The following RBFOX1 variants were observed in gnomAD, a reference collection of about 807,000 sequenced individuals.
RBFOX1 encodes RNA binding fox-1 homolog 1.
RBFOX1 carries 8 observed loss-of-function variants against 57.7 expected under a neutral mutation model. The ratio of observed to expected loss-of-function variants is 0.14; its 90% confidence interval spans 0.08 to 0.25. RBFOX1 has a LOEUF of 0.25. Among genes scored for constraint, RBFOX1 ranks in the 10% least tolerant of loss-of-function variants. The probability of loss-of-function intolerance (pLI) is 1.00; values close to 1 mark genes in which losing one functional copy is unlikely to be tolerated. For synonymous variants in RBFOX1, 326 were observed against 222.4 expected (o/e 1.47, Z -4.15); for missense variants, 611 against 548.5 (o/e 1.11, Z -1.14).
intron 2 of RBFOX1, among the ~76,000 whole-genome samples, chr16:6,461,213 C>T (rs891478852): frequency 1.3e-5 from 2 of 152,090 alleles, no homozygotes; most frequent in Non-Finnish European, 2.9e-5. Flanking sequence ...ACGCATTTAC[C>T]TATGTAGTGC....
At chr16:6,905,902 C>T (rs1275734897) in intron 3 of RBFOX1, among the ~76,000 whole-genome samples, 1 of 152,214 alleles carries the variant, frequency 6.6e-6, no homozygotes, top group Non-Finnish European at 1.5e-5. Context: ...TGTCCACAGG[C>T]TTTCTCTGTA....
chr16:7,100,102 A>G (rs117939912), intron 4 of RBFOX1, among the ~76,000 whole-genome samples: 117 of 152,004 alleles, frequency 7.7e-4, no homozygotes, highest in Non-Finnish European at 1.4e-3. Flanking sequence ...TGATTTACAT[A>G]CTAAATAAAG....
Position 5,259,930 on chromosome 16 carries a change from G to A in RBFOX1, c.219+19825G>A, listed in dbSNP as rs531615424. 4.6e-5 allele frequency among the ~76,000 whole-genome samples: 7 copies of A among 152,262 alleles called. No individual in the cohort carries two copies. In the East Asian group the frequency reaches 1.2e-3, roughly 25 times the overall value. On this transcript the variant is annotated intron_variant, in intron 1 of 2. Transcript: ENST00000585867. ...AAGTGTAAGTGAGGAGGCTGGGCACGGTGGCTCACACCTGTAATCTTAGCA... is the reference window on the plus strand; with the variant it reads ...AAGTGTAAGTGAGGAGGCTGGGCACAGTGGCTCACACCTGTAATCTTAGCA...
chr16:6,754,029 A>AGTTT lies in RBFOX1; in HGVS notation c.-16+99380_-16+99383dup, dbSNP rs780938877. Among the ~76,000 whole-genome samples the AGTTT allele has an allele frequency of 9.5e-4, 145 of 152,302 alleles. 1 individual carries two copies. Among genetic ancestry groups the AGTTT allele is most frequent in the Admixed American group, 4.6e-4 (7 of 15,292 alleles). On this transcript the variant is annotated intron_variant, in intron 3 of 15. Coordinates refer to ENST00000550418, the MANE Select transcript of RBFOX1 (RefSeq NM_018723.4). ...TTCTGGTACCCAACTCTTGCTGAGT[A>AGTTT]GTTTATCCAATATACATACCCACTC...
At chr16:7,619,259 T>A (rs1014935575) in intron 10 of RBFOX1, among the ~76,000 whole-genome samples, 2 of 152,208 alleles carry the variant, frequency 1.3e-5, no homozygotes, top group African/African-American at 4.8e-5. Flanking sequence ...GTTTGGTTGA[T>A]GTGCATGTGA....
At chr16:6,253,511 TGACTCTGA>T (rs1448710234) in intron 1 of RBFOX1, among the ~76,000 whole-genome samples, 1 of 152,138 alleles carries the variant, frequency 6.6e-6, no homozygotes, top group Non-Finnish European at 1.5e-5. Context: ...CCAAATTTGG[TGACTCTGA>T]GTCCTACATT....
chr16:5,672,120 G>T (rs1369919228), intron 3 of RBFOX1, among the ~76,000 whole-genome samples: 2 of 152,166 alleles, frequency 1.3e-5, no homozygotes, highest in African/African-American at 4.8e-5. Context: ...ATGTTTTAGA[G>T]TCATTCTCTC....
intron 4 of RBFOX1, among the ~76,000 whole-genome samples, chr16:7,271,711 A>T (rs1210417115): frequency 6.6e-6 from 1 of 152,100 alleles, no homozygotes; most frequent in Non-Finnish European, 1.5e-5. Flanking sequence ...GAAATATTTC[A>T]TGGGGGTCAG....
intron 1 of RBFOX1, among the ~76,000 whole-genome samples, chr16:6,137,654 C>G (rs1323924447): frequency 7.4e-6 from 1 of 135,624 alleles, no homozygotes; most frequent in Non-Finnish European, 1.5e-5. Context: ...GACTCTGTTG[C>G]CCAGACTAGA....
At chr16:6,711,811 T>A (rs2154152301) in intron 3 of RBFOX1, among the ~76,000 whole-genome samples, 1 of 152,324 alleles carries the variant, frequency 6.6e-6, no homozygotes, top group South Asian at 2.1e-4. Context: ...CATTGTCTAT[T>A]TCCTCTACCT....
chr16:6,283,892 C>T (rs570755864), intron 1 of RBFOX1, among the ~76,000 whole-genome samples: 15 of 152,262 alleles, frequency 9.9e-5, no homozygotes, highest in Middle Eastern at 3.4e-3. Flanking sequence ...CACGCTAAAC[C>T]GACTTTGTTT....
chr16:7,689,999 A>G (rs768490049), intron 14 of RBFOX1, among the ~76,000 whole-genome samples: 4 of 152,248 alleles, frequency 2.6e-5, no homozygotes, highest in Admixed American at 1.3e-4. Flanking sequence ...AGAAGCTGCA[A>G]AAGTAGAAAC....
At chr16:6,440,194 C>G (rs761407356) in intron 2 of RBFOX1, among the ~76,000 whole-genome samples, 21 of 151,858 alleles carry the variant, frequency 1.4e-4, no homozygotes, top group Admixed American at 2.6e-4. Flanking sequence ...CTCAGCCTCC[C>G]AAAGTGCTGG....
rs78011923 is a variant in RBFOX1, at chr16:6,605,202, G to A, written c.-63-49401G>A. Reference sequence around the variant, plus strand: ...TACAGTGAGATGTGATCAAACCACTGTACTGGGTGACAGAGCAAGACCCTC... The same window carrying A: ...TACAGTGAGATGTGATCAAACCACTATACTGGGTGACAGAGCAAGACCCTC... On this transcript the variant is annotated intron_variant, in intron 2 of 15. Coordinates refer to ENST00000550418, the MANE Select transcript of RBFOX1 (RefSeq NM_018723.4). 3.4e-4 allele frequency among the ~76,000 whole-genome samples: 52 copies of A among 152,176 alleles called. 1 individual carries two copies. In the East Asian group the frequency reaches 0.01, roughly 29 times the overall value.
At chr16:7,537,716 C>A (rs2081871691) in intron 5 of RBFOX1, among the ~76,000 whole-genome samples, 1 of 152,050 alleles carries the variant, frequency 6.6e-6, no homozygotes, top group African/African-American at 2.4e-5. Context: ...ATGCTTGGGT[C>A]CATCTCAGGA....
chr16:7,292,235 ATTATATATCATATATATGATATATGATAT>A lies in RBFOX1; in HGVS notation c.28-225911_28-225883del, dbSNP rs1568063986. ...ATATATGATATATGATATAGAACGTATTATATATCATATATATGATATATGATATAGAACGTATTATATATCATATATCA... is the reference window on the plus strand; with the variant it reads ...ATATATGATATATGATATAGAACGTAAGAACGTATTATATATCATATATCA... On this transcript the variant is annotated intron_variant, in intron 4 of 15. Coordinates refer to ENST00000550418, the MANE Select transcript of RBFOX1 (RefSeq NM_018723.4). 2.7e-4 allele frequency among the ~76,000 whole-genome samples: 29 copies of A among 106,964 alleles called. 1 individual carries two copies. In the East Asian group the frequency reaches 5.0e-3, roughly 18 times the overall value. 70.2% of individuals were successfully genotyped at this position (106,964 alleles called of 152,430 possible). A position where few individuals can be genotyped will look rare whatever the true frequency, so the allele number is the denominator to read the frequency against.
intron 4 of RBFOX1, among the ~76,000 whole-genome samples, chr16:6,008,594 C>T (rs1596393741): frequency 1.3e-5 from 2 of 152,080 alleles, no homozygotes; most frequent in South Asian, 4.1e-4. Flanking sequence ...AGTCATATCC[C>T]AGAGCTTCAG....
chr16:6,879,219 T>G (rs890486423), intron 3 of RBFOX1, among the ~76,000 whole-genome samples: 6 of 152,220 alleles, frequency 3.9e-5, no homozygotes, highest in Non-Finnish European at 5.9e-5. Flanking sequence ...TTTATGATTA[T>G]TCAATGAATT....
Position 6,309,077 on chromosome 16 carries a change from G to T in RBFOX1, c.-126-7918G>T, listed in dbSNP as rs80158966. 5.3e-5 allele frequency among the ~76,000 whole-genome samples: 8 copies of T among 152,054 alleles called. No individual in the cohort carries two copies. The East Asian group carries it at 9.7e-4, about 18-fold the overall frequency. On this transcript the variant is annotated intron_variant, in intron 1 of 15. Transcript: ENST00000550418. ...GGAGATTGAAATAATCAGGTCTCAT[G>T]TGTATATTTCCTTTCAAACCACTGC...
Sources: allele counts gnomAD v4.1 joint callset (sites outside exome capture counted in the v4.1 genomes callset), GRCh38; gene constraint gnomAD v4.1.1; transcripts MANE v1.5; gene names NCBI Gene and HGNC (gene_info 2026-07-23, HGNC 2026-07-21).